EPHA3: variants seen among roughly 807,000 people sequenced by gnomAD.
The protein encoded by EPHA3 is EPH receptor A3.
EPHA3 carries 42 observed loss-of-function variants against 107.1 expected under a neutral mutation model. The ratio of observed to expected loss-of-function variants is 0.39; its 90% CI spans 0.31 to 0.51. The LOEUF (loss-of-function observed/expected upper bound fraction) is 0.51. Ranked by LOEUF, EPHA3 falls within the 20% of genes least tolerant of loss-of-function variation. EPHA3 has a pLI of 0.78. For synonymous variants in EPHA3, 461 were observed against 424.8 expected (o/e 1.09, Z -1.05); for missense variants, 1,183 against 1,211.2 (o/e 0.98, Z 0.35).
rs1238952376 is a variant in EPHA3, at chr3:89,204,079, A to T, written c.154-5781A>T. On this transcript the variant is annotated intron_variant, in intron 2 of 16. Coordinates refer to ENST00000336596, the MANE Select transcript of EPHA3 (RefSeq NM_005233.6). ...ATATTGGTGAGAATTCTAAGCAGGG[A>T]TCTTACATGATTCTGTTCCTAGCTC... is the stretch of plus-strand genomic sequence containing the variant. 7.2e-5 allele frequency among the ~76,000 whole-genome samples: 11 copies of T among 152,276 alleles called. No homozygotes were observed. The South Asian group carries it at 1.9e-3, about 26-fold the overall frequency.
chr3:89,364,237 C>T lies in EPHA3; in HGVS notation c.1306+22147C>T, dbSNP rs561896054. ...CACCACTTGAGGGCTTGTTAATCAT[C>T]TTTGGGTACTGCTATTGATGAAAAC... On this transcript the variant is annotated intron_variant, in intron 5 of 16. Transcript: ENST00000336596. Among the ~76,000 whole-genome samples the T allele has an allele frequency of 5.2e-4, 78 of 150,900 alleles. 1 individual carries two copies. The highest frequency in any genetic ancestry group is 1.8e-3 in the African/African-American group (76 of 41,402).
chr3:89,152,143 T>C (rs1704703297), intron 2 of EPHA3, among the ~76,000 whole-genome samples: 1 of 152,106 alleles, frequency 6.6e-6, no homozygotes, highest in African/African-American at 2.4e-5. Context: ...ATCACGAAGG[T>C]ACTCATCAAC....
At chr3:89,361,763 G>A (rs1176499331) in intron 5 of EPHA3, among the ~76,000 whole-genome samples, 1 of 150,938 alleles carries the variant, frequency 6.6e-6, no homozygotes, top group Non-Finnish European at 1.5e-5. Context: ...AGCCTGGAGA[G>A]GTGATAATAA....
At chr3:89,412,855 T>A (rs529333789) in intron 9 of EPHA3, among the ~76,000 whole-genome samples, 1 of 151,938 alleles carries the variant, frequency 6.6e-6, no homozygotes, top group Non-Finnish European at 1.5e-5. Context: ...ATTATCTTTC[T>A]TCTTAAGATC....
intron 2 of EPHA3, among the ~76,000 whole-genome samples, chr3:89,202,867 T>C (rs1706005543): frequency 6.6e-6 from 1 of 152,178 alleles, no homozygotes; most frequent in Non-Finnish European, 1.5e-5. Flanking sequence ...TCAGGTGTTC[T>C]ACCACCAGAT....
At chr3:89,155,539 A>T (rs571491784) in intron 2 of EPHA3, among the ~76,000 whole-genome samples, 2 of 152,060 alleles carry the variant, frequency 1.3e-5, no homozygotes, top group South Asian at 2.1e-4. Context: ...TTACCTTACA[A>T]TTGCAATCCA....
intron 3 of EPHA3, among the ~76,000 whole-genome samples, chr3:89,291,096 T>G (rs1156323332): frequency 6.6e-6 from 1 of 152,092 alleles, no homozygotes; most frequent in Non-Finnish European, 1.5e-5. Flanking sequence ...ACTCTCTAAT[T>G]AATGAATGAA....
chr3:89,288,033 T>G (rs1381399711), intron 3 of EPHA3, among the ~76,000 whole-genome samples: 2 of 152,090 alleles, frequency 1.3e-5, no homozygotes, highest in Non-Finnish European at 2.9e-5. Flanking sequence ...TTATTTTTTT[T>G]GGAATAAAAA....
In EPHA3 at chr3:89,383,639, C is replaced by CTTTTTT. The variant is rs71621546; in HGVS notation, c.1307-12176_1307-12171dup. 1.3e-3 allele frequency among the ~76,000 whole-genome samples: 114 copies of CTTTTTT among 87,962 alleles called. 2 individuals are homozygous for CTTTTTT. Among genetic ancestry groups the CTTTTTT allele is most frequent in the Middle Eastern group, 8.1e-3 (1 of 124 alleles). The allele number at this position is 87,962 out of a possible 152,430, so 57.7% of individuals were successfully genotyped here. On this transcript the variant is annotated intron_variant, in intron 5 of 16. Transcript: ENST00000336596. The stretch of plus-strand genomic sequence containing the variant: ...CAGTGTGGTCAGCCTACTTCTTCTT[C>CTTTTTT]TTTTTTTTTTTTTTTTTTTTTTTTT...
chr3:89,252,891 T>G (rs1300388753), intron 3 of EPHA3, among the ~76,000 whole-genome samples: 2 of 150,136 alleles, frequency 1.3e-5, no homozygotes, highest in East Asian at 3.9e-4. Flanking sequence ...TATTTCTTAT[T>G]TAATGGAATA....
intron 7 of EPHA3, among the ~76,000 whole-genome samples, chr3:89,405,860 G>C (rs1217249624): frequency 4.6e-5 from 7 of 152,132 alleles, no homozygotes. Context: ...GGATGCTTAT[G>C]GAGTTTGTAG....
chr3:89,322,191 T>G (rs563572042), intron 3 of EPHA3, among the ~76,000 whole-genome samples: 2 of 152,100 alleles, frequency 1.3e-5, no homozygotes, highest in African/African-American at 4.8e-5. Context: ...AGTTTCCTAT[T>G]TGGCACCATG....
chr3:89,146,179 A>G (rs1704554222), intron 2 of EPHA3, among the ~76,000 whole-genome samples: 1 of 151,858 alleles, frequency 6.6e-6, no homozygotes, highest in Non-Finnish European at 1.5e-5. Context: ...GGCATGAATC[A>G]TCCCTTTCTC....
chr3:89,474,664 G>A (rs530717139), intron 16 of EPHA3, among the ~76,000 whole-genome samples: 2 of 152,272 alleles, frequency 1.3e-5, no homozygotes, highest in East Asian at 3.9e-4. Flanking sequence ...GAACACTGTT[G>A]ATAAGATTAA....
At chr3:89,220,283 C>G (rs1704340724) in intron 3 of EPHA3, among the ~76,000 whole-genome samples, 1 of 152,172 alleles carries the variant, frequency 6.6e-6, no homozygotes, top group Non-Finnish European at 1.5e-5. Flanking sequence ...GATTGTGCTT[C>G]AGGACACATT....
rs145568084 is a variant in EPHA3 at position 89,438,064 on chromosome 3, A to AG, written c.2346+6705_2346+6706insG. Among the ~76,000 whole-genome samples, 1,478 of 152,178 alleles carry AG rather than the reference A, an allele frequency of 9.7e-3. 27 individuals carry two copies. The highest frequency in any genetic ancestry group is 0.034 in the African/African-American group (1,414 of 41,542). On this transcript the variant is annotated intron_variant, in intron 13 of 16. Transcript: ENST00000336596. ...GCCATATTGATGCCAGATATATTCT[A>AG]TACAACTTTGTTTTGTTTGATTTCA...
intron 3 of EPHA3, among the ~76,000 whole-genome samples, chr3:89,274,336 A>AT (rs1461867584): frequency 6.6e-6 from 1 of 151,946 alleles, no homozygotes; most frequent in Non-Finnish European, 1.5e-5. Flanking sequence ...GTACTCTAGT[A>AT]TTTTTTGTTT....
intron 11 of EPHA3, among the ~76,000 whole-genome samples, chr3:89,427,309 T>G (rs1437460946): frequency 6.6e-6 from 1 of 151,888 alleles, no homozygotes; most frequent in Non-Finnish European, 1.5e-5. Context: ...TGATGCTAAC[T>G]CATAATTTAC....
At chr3:89,250,335 T>C (rs1440089487) in intron 3 of EPHA3, among the ~76,000 whole-genome samples, 1 of 152,206 alleles carries the variant, frequency 6.6e-6, no homozygotes, top group African/African-American at 2.4e-5. Context: ...TCCATCATAT[T>C]TATTGCCCTT....
Sources: gnomAD v4.1 joint callset for allele counts (sites outside exome capture counted in the v4.1 genomes callset) on GRCh38, gnomAD v4.1.1 for gene constraint, MANE v1.5 for transcripts, NCBI Gene and HGNC (gene_info 2026-07-23, HGNC 2026-07-21) for gene names.